WDPCP: variants seen among roughly 807,000 people sequenced by gnomAD.
WDPCP encodes the protein WD repeat-containing and planar cell polarity effector protein fritz homolog.
In WDPCP, 71 loss-of-function variants were observed where a neutral mutation model predicts 93.1. That is an observed-to-expected ratio of 0.76 (90% CI 0.63 to 0.93). The LOEUF (loss-of-function observed/expected upper bound fraction) is 0.93, where lower values mean the gene tolerates loss of function less well. Ranked by LOEUF, WDPCP falls within the 40% of genes least tolerant of loss-of-function variation. WDPCP has a pLI of 0.00. For missense variants in WDPCP, 844 were observed against 887.4 expected (o/e 0.95, Z 0.62); for synonymous variants, 315 against 315.0 (o/e 1.00, Z 0.00).
At chr2:63,372,495 A>G (rs1691479484) in intron 12 of WDPCP, among the ~76,000 whole-genome samples, 1 of 152,172 alleles carries the variant, frequency 6.6e-6, no homozygotes, top group African/African-American at 2.4e-5. Context: ...GAATTTTATT[A>G]CCTAGAATAT....
chr2:63,404,010 C>T, intron 10 of WDPCP, 38 bp downstream of exon 10: 1 of 1,612,908 alleles, frequency 6.2e-7, no homozygotes, highest in Non-Finnish European at 8.5e-7. Context: ...CTATCCTAAA[C>T]ATTTTAATTT....
chr2:63,313,595 C>T (rs1686354594), intron 12 of WDPCP, among the ~76,000 whole-genome samples: 1 of 151,924 alleles, frequency 6.6e-6, no homozygotes, highest in Admixed American at 6.6e-5. Context: ...AAATACGTTG[C>T]CTCTTCTTGT....
chr2:63,398,038 A>G (rs1168662805), intron 10 of WDPCP, among the ~76,000 whole-genome samples: 1 of 152,186 alleles, frequency 6.6e-6, no homozygotes, highest in Non-Finnish European at 1.5e-5. Flanking sequence ...TATGGGATCC[A>G]CAGAGCAAAT....
chr2:63,688,375 C>T (rs543230964), intron 2 of WDPCP, among the ~76,000 whole-genome samples: 24 of 151,456 alleles, frequency 1.6e-4, no homozygotes, highest in Non-Finnish European at 2.4e-4. Flanking sequence ...CGCAGTGAGC[C>T]GAGATCGCTC....
intron 2 of WDPCP, among the ~76,000 whole-genome samples, chr2:63,715,484 A>G (rs773239182): frequency 2.0e-5 from 3 of 152,250 alleles, no homozygotes; most frequent in Admixed American, 6.5e-5. Context: ...TGCCAGCTTC[A>G]TAAAGAGAAG....
In WDPCP at chr2:63,815,295, A is replaced by G. The variant is rs1012946928; in HGVS notation, n.223-1588T>C. On this transcript the variant is annotated intron_variant and non_coding_transcript_variant, in intron 1 of 4. Coordinates refer to the WDPCP transcript ENST00000467687. ...TTTGAACAAAGGGAACAAATATTCA[A>G]TAAGAAACCACCAGCGTAATAAATA... Among the ~76,000 whole-genome samples, 3 of 152,234 alleles carry G rather than the reference A, an allele frequency of 2.0e-5. 1 individual carries two copies. Among genetic ancestry groups the G allele is most frequent in the South Asian group, 4.1e-4 (2 of 4,830 alleles).
intron 3 of WDPCP, among the ~76,000 whole-genome samples, chr2:63,610,588 A>G (rs1476739912): frequency 6.6e-6 from 1 of 152,146 alleles, no homozygotes; most frequent in Non-Finnish European, 1.5e-5. Flanking sequence ...AAAGGAATAC[A>G]TAGTGAAAAG....
intron 14 of WDPCP, among the ~76,000 whole-genome samples, chr2:63,238,617 A>G (rs1490088529): frequency 1.3e-5 from 2 of 152,124 alleles, no homozygotes; most frequent in Non-Finnish European, 2.9e-5. Context: ...TTATATTTCT[A>G]TTGGACATCA....
In WDPCP at chr2:63,530,640, A is replaced by G. The variant is rs563814235; in HGVS notation, c.76-37700T>C. Among the ~76,000 whole-genome samples, 3 of 152,304 alleles carry G rather than the reference A, an allele frequency of 2.0e-5. No homozygotes were observed. The East Asian group carries it at 5.8e-4, about 29-fold the overall frequency. ...TACTGTGAGTAATAAACTGTCCTTC[A>G]TCTCTGACCCAAGGTCATATTTTCT... On this transcript the variant is annotated intron_variant, in intron 1 of 17. Coordinates refer to ENST00000272321, the MANE Select transcript of WDPCP (RefSeq NM_015910.7).
intron 15 of WDPCP, among the ~76,000 whole-genome samples, chr2:63,164,680 A>G (rs1048924336): frequency 3.3e-5 from 5 of 152,210 alleles, no homozygotes; most frequent in Non-Finnish European, 7.3e-5. Context: ...CTTTATAAGA[A>G]TGTGAGGACA....
chr2:63,775,476 T>C (rs1352668533), intron 2 of WDPCP, among the ~76,000 whole-genome samples: 1 of 152,220 alleles, frequency 6.6e-6, no homozygotes, highest in Admixed American at 6.5e-5. Context: ...GTATGTCTCC[T>C]AAGCAGTTGG....
At chr2:63,461,708 T>A (rs1318953744) in intron 6 of WDPCP, among the ~76,000 whole-genome samples, 2 of 152,218 alleles carry the variant, frequency 1.3e-5, no homozygotes, top group Non-Finnish European at 2.9e-5. Flanking sequence ...TATTGATTCA[T>A]GTTGGAATAT....
chr2:63,717,232 T>C (rs1420287485), intron 2 of WDPCP: 3 of 517,306 alleles, frequency 5.8e-6, no homozygotes, highest in South Asian at 1.6e-5. Flanking sequence ...GAAAGACATA[T>C]TGGCTGACCT....
chr2:63,229,461 G>T (rs919077041), intron 14 of WDPCP: 1 of 151,556 alleles, frequency 6.6e-6, no homozygotes, highest in African/African-American at 2.4e-5. Flanking sequence ...GTCAATTTTG[G>T]CTTTTGTTGC....
At chr2:63,154,759 C>T (rs779524570) in intron 15 of WDPCP, among the ~76,000 whole-genome samples, 1 of 152,044 alleles carries the variant, frequency 6.6e-6, no homozygotes. Context: ...ACATTTCATG[C>T]GACAATGAAT....
chr2:63,262,562 A>AAAAG (rs1681735132), intron 13 of WDPCP, among the ~76,000 whole-genome samples: 2 of 151,406 alleles, frequency 1.3e-5, no homozygotes, highest in South Asian at 4.1e-4. Context: ...AAAAAGAAAG[A>AAAAG]AAAGAAACAA....
At chr2:63,234,624 G>A (rs1289985104) in intron 14 of WDPCP, among the ~76,000 whole-genome samples, 1 of 152,094 alleles carries the variant, frequency 6.6e-6, no homozygotes, top group East Asian at 1.9e-4. Flanking sequence ...ACAATACACA[G>A]GTGATAAACA....
chr2:63,397,275 C>A (rs369967473), intron 10 of WDPCP, among the ~76,000 whole-genome samples: 1 of 152,068 alleles, frequency 6.6e-6, no homozygotes, highest in Admixed American at 6.6e-5. Flanking sequence ...GATTCTAGAA[C>A]GACTTTTGAC....
chr2:63,587,626 A>G (rs1040902488), intron 1 of WDPCP, among the ~76,000 whole-genome samples: 6 of 152,222 alleles, frequency 3.9e-5, no homozygotes, highest in Non-Finnish European at 7.3e-5. Context: ...CCCGAGCATC[A>G]TATCTTCCTT....
Sources: allele counts gnomAD v4.1 joint callset (sites outside exome capture counted in the v4.1 genomes callset), GRCh38; gene constraint gnomAD v4.1.1; transcripts MANE v1.5; gene names NCBI Gene and HGNC (gene_info 2026-07-23, HGNC 2026-07-21).